Variants in GIPC3 observed in about 807,000 individuals in gnomAD.
GIPC3 encodes the protein GIPC PDZ domain containing family member 3, also known as PDZ domain-containing protein GIPC3.
A neutral mutation model predicts 27.3 loss-of-function variants in GIPC3; 16 were observed. That is an observed-to-expected ratio of 0.59 (90% CI 0.40 to 0.89). The LOEUF (loss-of-function observed/expected upper bound fraction) is 0.89. GIPC3 is among the 40% of genes least tolerant of loss of function. GIPC3 has a pLI of 0.00. For synonymous variants in GIPC3, 194 were observed against 184.6 expected (o/e 1.05, Z -0.41); for missense variants, 440 against 442.1 (o/e 1.00, Z 0.04).
At chr19:3,586,382 C>G (rs2032364662) in intron 1 of GIPC3, 113 bp from the exon 2 acceptor site, 2 of 974,604 alleles carry the variant, frequency 2.1e-6, no homozygotes, top group African/African-American at 3.2e-5. Context: ...ACGCCCTGCC[C>G]TTTCCCATGG....
chr19:3,587,852 G>A (rs1408367875), intron 3 of GIPC3, among the ~76,000 whole-genome samples: 5 of 151,262 alleles, frequency 3.3e-5, no homozygotes, highest in East Asian at 1.9e-4. Flanking sequence ...CACCACACCC[G>A]GCTAATTTTT....
chr19:3,592,981 C>T lies in GIPC3; in HGVS notation c.*2791C>T. ...CCAGCCCCTAGCAAAGACCCCCAGC[C>T]TCTGCCTCAGCCCCATGATCAGGTA... On this transcript the variant is annotated 3_prime_UTR_variant, in exon 6 of 6. Coordinates refer to ENST00000644452, the MANE Select transcript of GIPC3 (RefSeq NM_133261.3). 8.1e-7 allele frequency: 1 copy of T among 1,230,346 alleles called. No homozygotes were observed. The highest frequency in any genetic ancestry group is 1.0e-6 in the Non-Finnish European group (1 of 987,112). 76.2% of individuals were successfully genotyped at this position (1,230,346 alleles called of 1,614,324 possible). A position where few individuals can be genotyped will look rare whatever the true frequency, so the allele number is the denominator to read the frequency against.
At position 3,591,134 on chromosome 19, in the gene GIPC3, C is replaced by T. The variant is rs1171771373; in HGVS notation, c.*944C>T. 2 of 1,233,314 alleles carry T rather than the reference C, an allele frequency of 1.6e-6. No homozygotes were observed. Among genetic ancestry groups the T allele is most frequent in the Non-Finnish European group, 2.0e-6 (2 of 988,920 alleles). The allele number at this position is 1,233,314 out of a possible 1,614,324, so 76.4% of individuals were successfully genotyped here. A position where few individuals can be genotyped will look rare whatever the true frequency, so the allele number is the denominator to read the frequency against. On this transcript the variant is annotated 3_prime_UTR_variant, in exon 6 of 6. Transcript: ENST00000644452. Reference sequence around the variant, plus strand: ...AGGTCAGCCCTGAGACCAAGCCCAGCTCTAGAACCCAGATAAGCTCTGAAA... The same window carrying T: ...AGGTCAGCCCTGAGACCAAGCCCAGTTCTAGAACCCAGATAAGCTCTGAAA...
Position 3,591,238 on chromosome 19 carries a change from T to C in GIPC3, c.*1048T>C, listed in dbSNP as rs977362443. ...GCCAAACCCAGCTCTAGAACCCAGA[T>C]AAGATCTGAGACCAAGCCCTGCTCT... is the stretch of plus-strand genomic sequence containing the variant. On this transcript the variant is annotated 3_prime_UTR_variant, in exon 6 of 6. Transcript: ENST00000644452. 8.1e-7 allele frequency: 1 copy of C among 1,232,288 alleles called. No homozygotes were observed. The highest frequency in any genetic ancestry group is 1.0e-6 in the Non-Finnish European group (1 of 988,408). The allele number at this position is 1,232,288 out of a possible 1,614,324, so 76.3% of individuals were successfully genotyped here.
Position 3,593,023 on chromosome 19 carries a change from G to A in GIPC3, c.*2833G>A. On this transcript the variant is annotated 3_prime_UTR_variant, in exon 6 of 6. Coordinates refer to ENST00000644452, the MANE Select transcript of GIPC3 (RefSeq NM_133261.3). ...GATCAGGTATGTGGCATCCAGGCCA[G>A]CCTTGGCCCCATCCCAGGCTTACCC... 9.1e-7 allele frequency: 1 copy of A among 1,101,096 alleles called. No individual in the cohort carries two copies. Among genetic ancestry groups the A allele is most frequent in the Non-Finnish European group, 1.1e-6 (1 of 910,738 alleles). 68.2% of individuals were successfully genotyped at this position (1,101,096 alleles called of 1,614,324 possible).
intron 5 of GIPC3, 33 bp from the exon 6 acceptor site, chr19:3,590,006 C>G: frequency 1.2e-6 from 2 of 1,613,108 alleles, no homozygotes; most frequent in Non-Finnish European, 1.7e-6. Flanking sequence ...CGGGGAGTGC[C>G]CTCACTGACA....
intron 4 of GIPC3, 99 bp from the exon 5 acceptor site, chr19:3,589,732 G>T: frequency 8.0e-7 from 1 of 1,247,034 alleles, no homozygotes; most frequent in South Asian, 1.2e-5. Context: ...TCGTGTGAGG[G>T]TCCAGTCTAC....
chr19:3,590,198 TG>T lies in GIPC3; in HGVS notation c.*15del, dbSNP rs761229176. 424 of 1,584,596 alleles carry T rather than the reference TG, an allele frequency of 2.7e-4. No homozygotes were observed. Among genetic ancestry groups the T allele is most frequent in the Non-Finnish European group, 3.4e-4 (396 of 1,166,774 alleles). Reference sequence around the variant, plus strand: ...AGAGAGGCCTGTGGCTAGTTTGCCCTGGGGGGGCCCAGCACAGCCCCAGCCC... The same window carrying T: ...AGAGAGGCCTGTGGCTAGTTTGCCCTGGGGGGCCCAGCACAGCCCCAGCCC... On this transcript the variant is annotated 3_prime_UTR_variant, in exon 6 of 6. Coordinates refer to ENST00000644452, the MANE Select transcript of GIPC3 (RefSeq NM_133261.3).
chr19:3,585,561 G>T lies in GIPC3; in HGVS notation c.-37G>T. The T allele has an allele frequency of 2.6e-6, 3 of 1,143,002 alleles. No homozygotes were observed. The highest frequency in any genetic ancestry group is 2.1e-6 in the Non-Finnish European group (2 of 931,260). The allele number at this position is 1,143,002 out of a possible 1,614,324, so 70.8% of individuals were successfully genotyped here. A position where few individuals can be genotyped will look rare whatever the true frequency, so the allele number is the denominator to read the frequency against. On this transcript the variant is annotated 5_prime_UTR_variant, in exon 1 of 6. Transcript: ENST00000644452. ...AGGAAGCGGCGGATCCGGCGGCGGC[G>T]GCGAGGGCCCGGGTGGGTGGCCGAA...
Position 3,590,340 on chromosome 19 carries a change from T to G in GIPC3, c.*150T>G, listed in dbSNP as rs2032464523. ...CCAGCCCAACTCCAGAACCCAACCC[T>G]TCTCTAGAATCCAGCCCAGATCTGA... On this transcript the variant is annotated 3_prime_UTR_variant, in exon 6 of 6. Coordinates refer to ENST00000644452, the MANE Select transcript of GIPC3 (RefSeq NM_133261.3). 1 of 1,444,300 alleles carries G rather than the reference T, an allele frequency of 6.9e-7. No homozygotes were observed. The highest frequency in any genetic ancestry group is 9.1e-7 in the Non-Finnish European group (1 of 1,102,260). The allele number at this position is 1,444,300 out of a possible 1,614,324, so 89.5% of individuals were successfully genotyped here.
At position 3,585,535 on chromosome 19, in the gene GIPC3, C is replaced by A. The variant is rs1433688979; in HGVS notation, c.-63C>A. On this transcript the variant is annotated 5_prime_UTR_variant, in exon 1 of 6. Coordinates refer to ENST00000644452, the MANE Select transcript of GIPC3 (RefSeq NM_133261.3). ...CCCTGGGCCGGGGGAGGGGAGGCTGCAGGAAGCGGCGGATCCGGCGGCGGC... is the reference window on the plus strand; with the variant it reads ...CCCTGGGCCGGGGGAGGGGAGGCTGAAGGAAGCGGCGGATCCGGCGGCGGC... 140 of 1,107,030 alleles carry A rather than the reference C, an allele frequency of 1.3e-4. No homozygotes were observed. The highest frequency in any genetic ancestry group is 1.5e-4 in the Non-Finnish European group (136 of 908,204). 68.6% of individuals were successfully genotyped at this position (1,107,030 alleles called of 1,614,324 possible).
Position 3,590,089 on chromosome 19 carries a change from G to T in GIPC3, c.838G>T (p.Ala280Ser). ...GAAGACAGCGAGCGCCCAGGAGTTT[G>T]CACGCTGTTTAGACTCCGTCTTGGG... is the stretch of plus-strand genomic sequence containing the variant. The part of the protein sequence containing the change: ...SKKTASAQEF[A>S]RCLDSVLGEF... The change falls in exon 6 of 6, where the codon GCA becomes TCA. Residue 280 changes from alanine (A) to serine (S), a missense_variant. Coordinates refer to ENST00000644452, the MANE Select transcript of GIPC3 (RefSeq NM_133261.3). The T allele has an allele frequency of 6.2e-7, 1 of 1,611,398 alleles. No homozygotes were observed.
rs776280043 is a variant in GIPC3, at chr19:3,590,089, G to C, written c.838G>C (p.Ala280Pro). 36 of 1,611,280 alleles carry C rather than the reference G, an allele frequency of 2.2e-5. No homozygotes were observed. Among genetic ancestry groups the C allele is most frequent in the Non-Finnish European group, 2.8e-5 (33 of 1,179,004 alleles). Residue 280 changes from alanine to proline, a missense_variant, in exon 6 of 6, where the codon GCA (alanine) becomes CCA (proline). Transcript: ENST00000644452. ...GAAGACAGCGAGCGCCCAGGAGTTT[G>C]CACGCTGTTTAGACTCCGTCTTGGG... ...SKKTASAQEF[A>P]RCLDSVLGEF...
In GIPC3 at chr19:3,591,092, G is replaced by T. The variant is rs1346513096; in HGVS notation, c.*902G>T. Reference sequence around the variant, plus strand: ...GAATTCAGGCCACATCTGAAGCCAAGCCCAGCTCTAGAACTCAGGTCAGCC... The same window carrying T: ...GAATTCAGGCCACATCTGAAGCCAATCCCAGCTCTAGAACTCAGGTCAGCC... On this transcript the variant is annotated 3_prime_UTR_variant, in exon 6 of 6. Transcript: ENST00000644452. 2 of 1,232,790 alleles carry T rather than the reference G, an allele frequency of 1.6e-6. No homozygotes were observed. The highest frequency in any genetic ancestry group is 2.0e-6 in the Non-Finnish European group (2 of 988,698). The allele number at this position is 1,232,790 out of a possible 1,614,324, so 76.4% of individuals were successfully genotyped here. A position where few individuals can be genotyped will look rare whatever the true frequency, so the allele number is the denominator to read the frequency against.
rs1229172609 is a variant in GIPC3 at position 3,593,245 on chromosome 19, C to T, written c.*3055C>T. 7 of 1,232,752 alleles carry T rather than the reference C, an allele frequency of 5.7e-6. No homozygotes were observed. The highest frequency in any genetic ancestry group is 4.1e-5 in the South Asian group (1 of 24,338). The allele number at this position is 1,232,752 out of a possible 1,614,324, so 76.4% of individuals were successfully genotyped here. The stretch of plus-strand genomic sequence containing the variant: ...GCTTTGGCGCCAGCCCTTTGCCCCA[C>T]TCTGGGGGAGCCAGGAGCCCGCCCT... On this transcript the variant is annotated 3_prime_UTR_variant, in exon 6 of 6. Coordinates refer to ENST00000644452, the MANE Select transcript of GIPC3 (RefSeq NM_133261.3).
rs79438707 is a variant in GIPC3 at position 3,587,071 on chromosome 19, G to A, written c.592+77G>A. 4.4e-4 allele frequency: 618 copies of A among 1,405,636 alleles called. 3 individuals are homozygous for A. The African/African-American group carries it at 8.1e-3, about 18-fold the overall frequency. 87.1% of individuals were successfully genotyped at this position (1,405,636 alleles called of 1,614,324 possible). A position where few individuals can be genotyped will look rare whatever the true frequency, so the allele number is the denominator to read the frequency against. On this transcript the variant is annotated intron_variant, in intron 3 of 5. Coordinates refer to ENST00000644452, the MANE Select transcript of GIPC3 (RefSeq NM_133261.3). ...CCTGGGGTGGAGGAGGGTCGGGGATGGGACGGGCTGGAAGGTTCTAGGTGC... is the reference window on the plus strand; with the variant it reads ...CCTGGGGTGGAGGAGGGTCGGGGATAGGACGGGCTGGAAGGTTCTAGGTGC...
chr19:3,590,207 C>A lies in GIPC3; in HGVS notation c.*17C>A. ...TGTGGCTAGTTTGCCCTGGGGGGGC[C>A]CAGCACAGCCCCAGCCCGGAGCCCA... On this transcript the variant is annotated 3_prime_UTR_variant, in exon 6 of 6. Coordinates refer to ENST00000644452, the MANE Select transcript of GIPC3 (RefSeq NM_133261.3). 1 of 1,574,858 alleles carries A rather than the reference C, an allele frequency of 6.3e-7. No individual in the cohort carries two copies. The highest frequency in any genetic ancestry group is 8.6e-7 in the Non-Finnish European group (1 of 1,161,166).
chr19:3,586,778 T>G, intron 2 of GIPC3, 36 bp from the exon 3 acceptor site: 1 of 1,611,492 alleles, frequency 6.2e-7, no homozygotes, highest in Non-Finnish European at 8.5e-7. Flanking sequence ...GGCGGGTGGC[T>G]GGGGTTGCCC....
chr19:3,585,887 G>C (rs1257527104), intron 1 of GIPC3, 65 bp downstream of exon 1: 10 of 1,506,866 alleles, frequency 6.6e-6, no homozygotes, highest in Non-Finnish European at 8.8e-6. Context: ...AGGGAGCTTG[G>C]ACCCTGGACG....
Sources: gnomAD v4.1 joint callset for allele counts (sites outside exome capture counted in the v4.1 genomes callset) on GRCh38, gnomAD v4.1.1 for gene constraint, MANE v1.5 for transcripts, NCBI Gene and HGNC (gene_info 2026-07-23, HGNC 2026-07-21) for gene names.